Variants in PRSS27 observed in about 807,000 individuals in gnomAD.
The protein encoded by PRSS27 is channel-activating protease 2.
A neutral mutation model predicts 32.0 loss-of-function variants in PRSS27; 25 were observed. The ratio of observed to expected loss-of-function variants is 0.78; its 90% confidence interval spans 0.57 to 1.09. The LOEUF is 1.09. Among genes scored for constraint, PRSS27 ranks in the 50% least tolerant of loss-of-function variants. The pLI is 0.00. For missense variants in PRSS27, 401 were observed against 394.9 expected, an observed-to-expected ratio of 1.02 and a Z score of -0.13; for synonymous variants, 178 against 172.2, an observed-to-expected ratio of 1.03 and a Z score of -0.26.
Position 2,715,862 on chromosome 16 carries a change from A to C in PRSS27, c.92T>G (p.Met31Arg). Residue 31 changes from methionine (M) to arginine (R), a missense_variant, in exon 3 of 6, where the codon ATG (methionine) becomes AGG (arginine). Met to Arg is a moderately conservative substitution (Grantham distance 91). Coordinates refer to ENST00000302641, the MANE Select transcript of PRSS27 (RefSeq NM_031948.5). ...CTGCCCGCCCACCATTCGGTTCAGCATCCTGGGGCGACCACAGGCTGGGGG... is the reference window on the plus strand; with the variant it reads ...CTGCCCGCCCACCATTCGGTTCAGCCTCCTGGGGCGACCACAGGCTGGGGG... ...KAATACGRPR[M>R]LNRMVGGQDT... is the part of the protein sequence containing the mutation. 1 of 1,585,932 alleles carries C rather than the reference A, an allele frequency of 6.3e-7. No homozygotes were observed. Among genetic ancestry groups the C allele is most frequent in the South Asian group, 1.1e-5 (1 of 89,372 alleles).
In PRSS27 at chr16:2,715,845, C is replaced by T; in HGVS notation, c.109G>A (p.Gly37Ser). 2.5e-6 allele frequency: 4 copies of T among 1,601,062 alleles called. No homozygotes were observed. The highest frequency in any genetic ancestry group is 3.4e-6 in the Non-Finnish European group (4 of 1,175,178). The part of the protein sequence containing the change: ...GRPRMLNRMV[G>S]GQDTQEGEWP... ...TCGCCCTCCTGCGTGTCCTGCCCGC[C>T]CACCATTCGGTTCAGCATCCTGGGG... Residue 37 changes from glycine (G) to serine (S), a missense_variant, in exon 3 of 6, where the codon GGC becomes AGC. Physicochemically the swap from Gly to Ser is moderately conservative, Grantham distance 56. Coordinates refer to ENST00000302641, the MANE Select transcript of PRSS27 (RefSeq NM_031948.5).
Position 2,717,872 on chromosome 16 carries a change from CAGG to C in PRSS27, c.47-1349_47-1347del, listed in dbSNP as rs2067711705. 2 of 152,488 alleles carry C rather than the reference CAGG, an allele frequency of 1.3e-5. No individual in the cohort carries two copies. Among genetic ancestry groups the C allele is most frequent in the Non-Finnish European group, 2.9e-5 (2 of 68,180 alleles). 9.4% of individuals were successfully genotyped at this position (152,488 alleles called of 1,614,324 possible). A position where few individuals can be genotyped will look rare whatever the true frequency, so the allele number is the denominator to read the frequency against. ...CGGCGAGGGGGCAGCTGTGGATGGG[CAGG>C]AGGAGGAGGTGGAGAAGGTGCAGGG... On this transcript the variant is annotated intron_variant, in intron 1 of 5. Transcript: ENST00000302641. The surrounding 1 kb of genome is among the most constrained non-coding windows in gnomAD (Gnocchi z 4.1).
chr16:2,718,981 T>A (rs1011100390), intron 1 of PRSS27, among the ~76,000 whole-genome samples: 1 of 152,038 alleles, frequency 6.6e-6, no homozygotes, highest in African/African-American at 2.4e-5. Context: ...GGAGCATTGT[T>A]TGGGGCCTGG....
chr16:2,716,740 T>C (rs1567200764), intron 1 of PRSS27: 1 of 582,180 alleles, frequency 1.7e-6, no homozygotes, highest in Non-Finnish European at 3.1e-6. Context: ...GGCCACAGCT[T>C]ATCTGCAAGG....
intron 1 of PRSS27, among the ~76,000 whole-genome samples, chr16:2,719,644 C>A (rs1262344003): frequency 6.6e-6 from 1 of 152,170 alleles, no homozygotes. Context: ...ACTGAGCCTG[C>A]AGCCAGCCTG....
rs1246815116 is a variant in PRSS27, at chr16:2,715,756, C to G, written c.198G>C (p.Ala66=). 1 of 1,580,462 alleles carries G rather than the reference C, an allele frequency of 6.3e-7. No individual in the cohort carries two copies. Among genetic ancestry groups the G allele is most frequent in the African/African-American group, 1.3e-5 (1 of 74,634 alleles). Reference sequence around the variant, plus strand: ...GCGCAGCCGTCAGGACCCACTGCTCCGCGATGAGGCTGCCCCCGCAGAAGT... The same window carrying G: ...GCGCAGCCGTCAGGACCCACTGCTCGGCGATGAGGCTGCCCCCGCAGAAGT... ...GSHFCGGSLI[A]EQWVLTAAHC... Residue 66 remains alanine, a synonymous_variant, in exon 3 of 6, where the codon GCG becomes GCC. Transcript: ENST00000302641.
rs896458858 is a variant in PRSS27 at position 2,716,615 on chromosome 16, CAGCTCCTGAGGACTCCAG to C, written c.47-107_47-90del. 3 of 1,321,994 alleles carry C rather than the reference CAGCTCCTGAGGACTCCAG, an allele frequency of 2.3e-6. No individual in the cohort carries two copies. In the African/African-American group the frequency reaches 4.3e-5, roughly 19 times the overall value. The allele number at this position is 1,321,994 out of a possible 1,614,324, so 81.9% of individuals were successfully genotyped here. ...GCAGCCCCTCTCCACTGACCCTCCC[CAGCTCCTGAGGACTCCAG>C]AGGGACAGTCCACAGAGGGACCTCA... is the stretch of plus-strand genomic sequence containing the variant. On this transcript the variant is annotated intron_variant, in intron 1 of 5. Transcript: ENST00000302641.
At chr16:2,718,017 T>C (rs1157962364) in intron 1 of PRSS27, 2 of 152,248 alleles carry the variant, frequency 1.3e-5, no homozygotes, top group Non-Finnish European at 2.9e-5. Context: ...ATGCAAACAC[T>C]ACCGGGAGGG....
At position 2,720,143 on chromosome 16, in the gene PRSS27, C is replaced by T. The variant is rs2067726714; in HGVS notation, c.18G>A (p.Ala6=). 3.8e-6 allele frequency: 6 copies of T among 1,598,738 alleles called. No homozygotes were observed. Among genetic ancestry groups the T allele is most frequent in the Non-Finnish European group, 5.1e-6 (6 of 1,173,472 alleles). Residue 6 remains alanine (A), a synonymous_variant, in exon 1 of 6, where the codon GCG becomes GCA. Coordinates refer to ENST00000302641, the MANE Select transcript of PRSS27 (RefSeq NM_031948.5). ...AACACAGCAGCAGCAGGAGCGGCAC[C>T]GCCGCCGGCCGCCTCATGTCCTCAG... MRRPA[A]VPLLLLLCFG... is the part of the protein sequence containing the mutation.
intron 5 of PRSS27, 52 bp downstream of exon 5, chr16:2,713,477 C>G: frequency 6.3e-7 from 1 of 1,587,316 alleles, no homozygotes; most frequent in South Asian, 1.1e-5. Context: ...CCCACCCTGC[C>G]CTGGGCCTGG....
At chr16:2,715,074 C>G (rs1418308409) in intron 3 of PRSS27, 1 of 151,870 alleles carries the variant, frequency 6.6e-6, no homozygotes. Flanking sequence ...CCGTGAGTAT[C>G]TGAATTTAAG....
chr16:2,720,203 G>A lies in PRSS27; in HGVS notation c.-43C>T, dbSNP rs754385245. 11 of 1,549,002 alleles carry A rather than the reference G, an allele frequency of 7.1e-6. No homozygotes were observed. In the South Asian group the frequency reaches 1.3e-4, roughly 18 times the overall value. On this transcript the variant is annotated 5_prime_UTR_variant, in exon 1 of 6. Transcript: ENST00000302641. The stretch of plus-strand genomic sequence containing the variant: ...GGGCGCAGGGCCGTGGTCGGCGGTG[G>A]CAGAAGCGTTGGAGCACGAGCGAGG...
At position 2,714,268 on chromosome 16, in the gene PRSS27, G is replaced by A. The variant is rs148453666; in HGVS notation, c.305C>T (p.Ala102Val). 192 of 1,613,548 alleles carry A rather than the reference G, an allele frequency of 1.2e-4. No homozygotes were observed. Among genetic ancestry groups the A allele is most frequent in the Non-Finnish European group, 1.1e-4 (127 of 1,179,864 alleles). ...ARQLVQPGPH[A>V]MYARVRQVES... ...CACCTGCCTCACCCGGGCATACATAGCGTGTGGTCCCGGCTGCACTAGCTG... is the reference window on the plus strand; with the variant it reads ...CACCTGCCTCACCCGGGCATACATAACGTGTGGTCCCGGCTGCACTAGCTG... Residue 102 changes from alanine (A) to valine (V), a missense_variant, in exon 4 of 6, where the codon GCT becomes GTT. Physicochemically the swap from Ala to Val is moderately conservative, Grantham distance 64. Transcript: ENST00000302641. This position sits in a 1 kb window ranked among gnomAD's most constrained non-coding sequence, Gnocchi z 4.7.
Position 2,714,255 on chromosome 16 carries a change from C to G in PRSS27, c.318G>C (p.Arg106=). 6.2e-7 allele frequency: 1 copy of G among 1,613,472 alleles called. No homozygotes were observed. ...GGGGGTTGCTCTCCACCTGCCTCAC[C>G]CGGGCATACATAGCGTGTGGTCCCG... is the stretch of plus-strand genomic sequence containing the variant. ...VQPGPHAMYA[R]VRQVESNPLY... is the part of the protein sequence containing the mutation. Residue 106 remains arginine (R), a synonymous_variant, in exon 4 of 6, where the codon CGG becomes CGC. Coordinates refer to ENST00000302641, the MANE Select transcript of PRSS27 (RefSeq NM_031948.5). The surrounding 1 kb of genome is among the most constrained non-coding windows in gnomAD (Gnocchi z 4.7).
Position 2,712,570 on chromosome 16 carries a change from G to A in PRSS27, c.*50C>T. 1 of 1,497,194 alleles carries A rather than the reference G, an allele frequency of 6.7e-7. No homozygotes were observed. Among genetic ancestry groups the A allele is most frequent in the Non-Finnish European group, 9.0e-7 (1 of 1,106,150 alleles). 92.7% of individuals were successfully genotyped at this position (1,497,194 alleles called of 1,614,324 possible). A position where few individuals can be genotyped will look rare whatever the true frequency, so the allele number is the denominator to read the frequency against. ...GAGGACCAGCAGGATGGTGTGGGCG[G>A]GCAGGCTGGGTGCAGAGCTCTGCTC... On this transcript the variant is annotated 3_prime_UTR_variant, in exon 6 of 6. Coordinates refer to ENST00000302641, the MANE Select transcript of PRSS27 (RefSeq NM_031948.5). This position sits in a 1 kb window ranked among gnomAD's most constrained non-coding sequence, Gnocchi z 4.6.
At chr16:2,713,300 G>C (rs1241500322) in intron 5 of PRSS27, 1 of 554,946 alleles carries the variant, frequency 1.8e-6, no homozygotes, top group Admixed American at 2.7e-5. Flanking sequence ...GGGTTTCACT[G>C]TGTTAGCCAG....
At position 2,715,871 on chromosome 16, in the gene PRSS27, C is replaced by A; in HGVS notation, c.83G>T (p.Arg28Leu). The A allele has an allele frequency of 6.3e-7, 1 of 1,576,828 alleles. No individual in the cohort carries two copies. Among genetic ancestry groups the A allele is most frequent in the Non-Finnish European group, 8.6e-7 (1 of 1,160,190 alleles). ...QRAKAATACG[R>L]PRMLNRMVGG... ...CACCATTCGGTTCAGCATCCTGGGG[C>A]GACCACAGGCTGGGGGAGCATGGGG... is the stretch of plus-strand genomic sequence containing the variant. Residue 28 changes from arginine to leucine, a missense_variant, in exon 3 of 6, where the codon CGC becomes CTC. Coordinates refer to ENST00000302641, the MANE Select transcript of PRSS27 (RefSeq NM_031948.5).
intron 5 of PRSS27, 131 bp downstream of exon 5, chr16:2,713,398 C>T (rs767252180): frequency 2.0e-6 from 2 of 1,011,510 alleles, no homozygotes; most frequent in African/African-American, 3.2e-5. Flanking sequence ...ACACCCGGCC[C>T]TGGAATCTGC....
chr16:2,715,838 T>G lies in PRSS27; in HGVS notation c.116A>C (p.Gln39Pro). Residue 39 changes from glutamine to proline, a missense_variant, in exon 3 of 6, where the codon CAG becomes CCG. Transcript: ENST00000302641. ...PRMLNRMVGGQDTQEGEWPWQ... is the reference protein window; with the variant it reads ...PRMLNRMVGGPDTQEGEWPWQ... Reference sequence around the variant, plus strand: ...GGGCCACTCGCCCTCCTGCGTGTCCTGCCCGCCCACCATTCGGTTCAGCAT... The same window carrying G: ...GGGCCACTCGCCCTCCTGCGTGTCCGGCCCGCCCACCATTCGGTTCAGCAT... The G allele has an allele frequency of 6.2e-7, 1 of 1,602,748 alleles. No individual in the cohort carries two copies. The highest frequency in any genetic ancestry group is 1.1e-5 in the South Asian group (1 of 90,198).
Sources: allele counts gnomAD v4.1 joint callset (sites outside exome capture counted in the v4.1 genomes callset), GRCh38; gene constraint gnomAD v4.1.1; non-coding constraint Gnocchi (gnomAD v3.1); transcripts MANE v1.5; gene names NCBI Gene and HGNC (gene_info 2026-07-23, HGNC 2026-07-21).